The following ANO1 variants were observed in gnomAD, a reference collection of about 807,000 sequenced individuals.
ANO1 encodes the protein anoctamin 1, also known as anoctamin-1.
ANO1 carries 59 observed loss-of-function variants against 124.0 expected under a neutral mutation model. The ratio of observed to expected loss-of-function variants is 0.48; its 90% CI spans 0.39 to 0.59. The LOEUF (loss-of-function observed/expected upper bound fraction) is 0.59. ANO1 is among the 20% of genes least tolerant of loss of function. The pLI is 0.00. For missense variants in ANO1, 1,059 were observed against 1,328.0 expected (o/e 0.80, Z 3.15); for synonymous variants, 529 against 532.0 (o/e 0.99, Z 0.08).
intron 1 of ANO1, among the ~76,000 whole-genome samples, chr11:70,067,134 A>G (rs1555008708): frequency 6.6e-6 from 1 of 152,168 alleles, no homozygotes; most frequent in Non-Finnish European, 1.5e-5. Flanking sequence ...CCCACAGAGC[A>G]AGGTCTGTAC....
intron 2 of ANO1, among the ~76,000 whole-genome samples, chr11:70,088,821 T>C (rs905561838): frequency 3.3e-5 from 5 of 152,150 alleles, no homozygotes; most frequent in African/African-American, 1.2e-4. Context: ...TAGAGTGAGA[T>C]GTGGGTCCAG....
intron 19 of ANO1, 91 bp downstream of exon 19, chr11:70,163,431 A>G: frequency 1.4e-6 from 2 of 1,468,290 alleles, no homozygotes; most frequent in Non-Finnish European, 1.9e-6. Flanking sequence ...GCTGCAGCAC[A>G]TTTGTTCAGC....
chr11:70,042,865 T>A (rs997467023), intron 1 of ANO1, among the ~76,000 whole-genome samples: 2 of 152,154 alleles, frequency 1.3e-5, no homozygotes, highest in Non-Finnish European at 2.9e-5. Flanking sequence ...TCTAAGCAAC[T>A]TAACTGCATG....
the ANO1 span, among the ~76,000 whole-genome samples, chr11:69,977,809 T>C: frequency 7.9e-5 from 12 of 152,224 alleles, no homozygotes; most frequent in Non-Finnish European, 1.5e-4. Context: ...CTGTGGCTGC[T>C]CTGAGCACTT....
chr11:70,002,182 G>A (rs1457876626), intron 1 of ANO1, among the ~76,000 whole-genome samples: 1 of 152,030 alleles, frequency 6.6e-6, no homozygotes, highest in Admixed American at 6.5e-5. Flanking sequence ...TGAGCGCAGT[G>A]GCTCACACCT....
upstream of ANO1, among the ~76,000 whole-genome samples, chr11:69,985,159 G>A (rs1472348154): frequency 1.3e-5 from 2 of 152,206 alleles, no homozygotes; most frequent in African/African-American, 4.8e-5. Flanking sequence ...GGAAGGGTCG[G>A]GGACAGGCTG....
chr11:70,179,922 G>A, intron 22 of ANO1, 82 bp from the exon 23 acceptor site: 2 of 1,318,566 alleles, frequency 1.5e-6, no homozygotes, highest in Non-Finnish European at 2.2e-6. Flanking sequence ...TGCAAGGGTG[G>A]TACCCGCTCA....
chr11:69,999,481 G>T (rs990753081), intron 1 of ANO1, among the ~76,000 whole-genome samples: 8 of 152,170 alleles, frequency 5.3e-5, no homozygotes, highest in Admixed American at 4.6e-4. Flanking sequence ...TATGACATAG[G>T]ATGAAAGCGC....
intron 1 of ANO1, among the ~76,000 whole-genome samples, chr11:69,995,221 T>A (rs1180057157): frequency 6.6e-6 from 1 of 151,226 alleles, no homozygotes; most frequent in African/African-American, 2.4e-5. Flanking sequence ...TGCCTCAGCC[T>A]CCCAAGCAGC....
At chr11:69,994,006 T>G (rs1554997981) in intron 1 of ANO1, among the ~76,000 whole-genome samples, 1 of 151,520 alleles carries the variant, frequency 6.6e-6, no homozygotes, top group Non-Finnish European at 1.5e-5. Flanking sequence ...TCATGAGGAG[T>G]TGGTCAGTGT....
intron 1 of ANO1, among the ~76,000 whole-genome samples, chr11:69,994,568 T>A (rs902868): frequency 0.86 from 131,041 of 152,212 alleles, 57,155 homozygotes; most frequent in East Asian, 0.98. Flanking sequence ...TGGCAATTTT[T>A]AATTTTCACT....
At chr11:70,100,253 GC>G (rs2045211464) in intron 2 of ANO1, among the ~76,000 whole-genome samples, 1 of 152,322 alleles carries the variant, frequency 6.6e-6, no homozygotes, top group South Asian at 2.1e-4. Flanking sequence ...CTGAGCGGTG[GC>G]CCCCGATCCA....
chr11:69,989,765 AG>A (rs1235418846), intron 1 of ANO1, among the ~76,000 whole-genome samples: 1 of 152,108 alleles, frequency 6.6e-6, no homozygotes, highest in Non-Finnish European at 1.5e-5. Context: ...TGCACGAGGC[AG>A]GTAGGGGAGG....
chr11:69,975,045 C>T, the ANO1 span, among the ~76,000 whole-genome samples: 2 of 152,170 alleles, frequency 1.3e-5, no homozygotes, highest in African/African-American at 2.4e-5. Context: ...GAGGGGCTGG[C>T]GTCCCACCCC....
At chr11:70,081,906 C>T (rs2044213162) in intron 1 of ANO1, among the ~76,000 whole-genome samples, 1 of 152,226 alleles carries the variant, frequency 6.6e-6, no homozygotes, top group Non-Finnish European at 1.5e-5. Context: ...AAGTATTTCT[C>T]TTCCACCATA....
chr11:70,034,450 C>T (rs1054981602), intron 1 of ANO1, among the ~76,000 whole-genome samples: 4 of 152,156 alleles, frequency 2.6e-5, no homozygotes, highest in African/African-American at 9.7e-5. Flanking sequence ...GCTCAGATAC[C>T]ACCATGCCAG....
intron 1 of ANO1, among the ~76,000 whole-genome samples, chr11:70,054,281 G>A (rs189133233): frequency 3.3e-5 from 5 of 152,212 alleles, no homozygotes; most frequent in African/African-American, 9.6e-5. Flanking sequence ...TGCTCCCAGA[G>A]CCTGCAAGTC....
At chr11:70,082,033 A>C (rs1565179970) in intron 1 of ANO1, among the ~76,000 whole-genome samples, 2 of 152,242 alleles carry the variant, frequency 1.3e-5, no homozygotes, top group African/African-American at 4.8e-5. Flanking sequence ...GAATCCTGTG[A>C]CCTAAGTCCA....
At chr11:70,091,738 C>T (rs924072484) in intron 2 of ANO1, among the ~76,000 whole-genome samples, 33 of 152,132 alleles carry the variant, frequency 2.2e-4, no homozygotes, top group Non-Finnish European at 3.4e-4. Context: ...GTTCCTGGGG[C>T]GCCGGTGGGT....
Sources: gnomAD v4.1 joint callset for allele counts (sites outside exome capture counted in the v4.1 genomes callset) on GRCh38, gnomAD v4.1.1 for gene constraint, MANE v1.5 for transcripts, NCBI Gene and HGNC (gene_info 2026-07-23, HGNC 2026-07-21) for gene names.